The following SHROOM3 variants were observed in gnomAD, a reference collection of about 807,000 sequenced individuals.
SHROOM3 encodes protein Shroom3.
A neutral mutation model predicts 138.6 loss-of-function variants in SHROOM3; 47 were observed. The observed-to-expected ratio is 0.34, with a 90% CI of 0.27 to 0.43. The LOEUF is 0.43. SHROOM3 is among the 20% of genes least tolerant of loss of function. The pLI, the probability that SHROOM3 is intolerant of heterozygous loss-of-function variation, is 1.00. For synonymous variants in SHROOM3, 1,062 were observed against 1,063.3 expected, an observed-to-expected ratio of 1.00 and a Z score of 0.02; for missense variants, 2,491 against 2,596.5, an observed-to-expected ratio of 0.96 and a Z score of 0.88.
intron 2 of SHROOM3, among the ~76,000 whole-genome samples, chr4:76,576,619 T>C (rs1252643188): frequency 2.0e-5 from 3 of 152,154 alleles, no homozygotes; most frequent in African/African-American, 7.2e-5. Context: ...AATAATGTAA[T>C]TGTACATTTA....
chr4:76,531,205 G>T (rs1220784378), intron 1 of SHROOM3, among the ~76,000 whole-genome samples: 1 of 152,114 alleles, frequency 6.6e-6, no homozygotes, highest in Non-Finnish European at 1.5e-5. Flanking sequence ...GGATAACCCA[G>T]TAACGTGAGC....
intron 2 of SHROOM3, among the ~76,000 whole-genome samples, chr4:76,608,237 C>T (rs1734663804): frequency 6.6e-6 from 1 of 152,214 alleles, no homozygotes; most frequent in African/African-American, 2.4e-5. Context: ...CAGTTTTTAG[C>T]TCTCGAGGGA....
Position 76,493,152 on chromosome 4 carries a change from C to T in SHROOM3, c.168+56932C>T, listed in dbSNP as rs184776804. 8.0e-5 allele frequency among the ~76,000 whole-genome samples: 11 copies of T among 137,914 alleles called. No homozygotes were observed. In the East Asian group the frequency reaches 2.6e-3, roughly 32 times the overall value. The allele number at this position is 137,914 out of a possible 152,430, so 90.5% of individuals were successfully genotyped here. A position where few individuals can be genotyped will look rare whatever the true frequency, so the allele number is the denominator to read the frequency against. The stretch of plus-strand genomic sequence containing the variant: ...AGGAGAATTGCTTGAACTCGAGAGG[C>T]GGCGGTTGCAGTGAGCCAAGATCGT... On this transcript the variant is annotated intron_variant, in intron 1 of 10. Transcript: ENST00000296043.
rs147249438 is a variant in SHROOM3, at chr4:76,716,748, C to A, written c.455+6461C>A. On this transcript the variant is annotated intron_variant, in intron 3 of 10. Coordinates refer to ENST00000296043, the MANE Select transcript of SHROOM3 (RefSeq NM_020859.4). ...CAAGTGCTTTGTGCTGTGTACCTCA[C>A]GGTTTTCCTTCCTCATTTCCCTGGG... 2.0e-5 allele frequency among the ~76,000 whole-genome samples: 3 copies of A among 152,318 alleles called. No individual in the cohort carries two copies. In the South Asian group the frequency reaches 6.2e-4, roughly 32 times the overall value.
At chr4:76,548,075 T>G (rs1401351868) in intron 1 of SHROOM3, among the ~76,000 whole-genome samples, 1 of 150,636 alleles carries the variant, frequency 6.6e-6, no homozygotes, top group Non-Finnish European at 1.5e-5. Context: ...AAGACGAATT[T>G]GTGTAAGACC....
At chr4:76,774,720 G>GTTTT (rs71212453) in intron 10 of SHROOM3, among the ~76,000 whole-genome samples, 1 of 112,264 alleles carries the variant, frequency 8.9e-6, no homozygotes. Flanking sequence ...TTTTTTTTTT[G>GTTTT]TTTTTTTTTT....
intron 5 of SHROOM3, among the ~76,000 whole-genome samples, chr4:76,744,093 T>C (rs1721352712): frequency 6.6e-6 from 1 of 152,206 alleles, no homozygotes; most frequent in African/African-American, 2.4e-5. Context: ...TTCTTAAGCC[T>C]GGTTGATTAA....
intron 1 of SHROOM3, among the ~76,000 whole-genome samples, chr4:76,454,827 C>A (rs1730993870): frequency 6.6e-6 from 1 of 152,128 alleles, no homozygotes; most frequent in Admixed American, 6.5e-5. Flanking sequence ...TGTCTGCTTT[C>A]TTTCAGCAAT....
At chr4:76,446,215 C>T (rs1278942960) in intron 1 of SHROOM3, among the ~76,000 whole-genome samples, 1 of 152,038 alleles carries the variant, frequency 6.6e-6, no homozygotes, top group African/African-American at 2.4e-5. Context: ...ACATCTAAGA[C>T]CTTTTTAACT....
chr4:76,524,785 C>T (rs1306031625), intron 1 of SHROOM3, among the ~76,000 whole-genome samples: 1 of 152,160 alleles, frequency 6.6e-6, no homozygotes, highest in Non-Finnish European at 1.5e-5. Flanking sequence ...GAAGGACGTC[C>T]GTCATGCCAT....
chr4:76,613,674 G>A (rs760524587), intron 2 of SHROOM3, among the ~76,000 whole-genome samples: 1 of 152,160 alleles, frequency 6.6e-6, no homozygotes, highest in Admixed American at 6.5e-5. Flanking sequence ...TTGTTATAAT[G>A]TTGATAGCAA....
intron 10 of SHROOM3, among the ~76,000 whole-genome samples, chr4:76,772,255 C>A (rs2109793560): frequency 6.6e-6 from 1 of 152,072 alleles, no homozygotes; most frequent in Admixed American, 6.6e-5. Context: ...AGGTGCGCAC[C>A]ACCATGCCCA....
At chr4:76,502,645 G>A (rs564670756) in intron 1 of SHROOM3, among the ~76,000 whole-genome samples, 2 of 152,190 alleles carry the variant, frequency 1.3e-5, no homozygotes, top group Non-Finnish European at 2.9e-5. Flanking sequence ...AGAGAGATTC[G>A]AAGAACCATT....
In SHROOM3 at chr4:76,447,694, G is replaced by A. The variant is rs17319721; in HGVS notation, c.168+11474G>A. 0.34 allele frequency among the ~76,000 whole-genome samples: 51,316 copies of A among 152,018 alleles called. 9,607 individuals are homozygous for A. The highest frequency in any genetic ancestry group is 0.43 in the Non-Finnish European group (29,201 of 67,938). The stretch of plus-strand genomic sequence containing the variant: ...CTAGTGAGTAGCAGGGCAAAAACAA[G>A]GCAGCCATTGATCTAAGTGTAAGGC... On this transcript the variant is annotated intron_variant, in intron 1 of 10. Transcript: ENST00000296043.
chr4:76,670,084 C>T lies in SHROOM3; in HGVS notation c.324-40072C>T, dbSNP rs543985644. Among the ~76,000 whole-genome samples the T allele has an allele frequency of 6.6e-5, 10 of 152,330 alleles. No individual in the cohort carries two copies. In the East Asian group the frequency reaches 1.9e-3, roughly 29 times the overall value. The stretch of plus-strand genomic sequence containing the variant: ...CCCCTTCATTTTTCTCACAACCTCC[C>T]ACATCTAATAAAAATTAACAAGGCC... On this transcript the variant is annotated intron_variant, in intron 2 of 10. Transcript: ENST00000296043.
At chr4:76,466,445 T>G (rs1168571227) in intron 1 of SHROOM3, among the ~76,000 whole-genome samples, 1 of 152,238 alleles carries the variant, frequency 6.6e-6, no homozygotes, top group Non-Finnish European at 1.5e-5. Context: ...TGAGATAGAT[T>G]GGTTGCAGAA....
intron 2 of SHROOM3, among the ~76,000 whole-genome samples, chr4:76,580,719 C>A (rs1734034382): frequency 6.6e-6 from 1 of 152,148 alleles, no homozygotes; most frequent in South Asian, 2.1e-4. Context: ...AGCCACTGTA[C>A]CCCGCCAACT....
chr4:76,691,784 A>C (rs1719549504), intron 2 of SHROOM3, among the ~76,000 whole-genome samples: 1 of 152,208 alleles, frequency 6.6e-6, no homozygotes, highest in East Asian at 1.9e-4. Context: ...TAAAACATCA[A>C]CATTCTACTG....
rs1718940765 is a variant in SHROOM3 at position 76,673,313 on chromosome 4, TG to T, written c.324-36840del. 2.0e-5 allele frequency among the ~76,000 whole-genome samples: 3 copies of T among 152,244 alleles called. No homozygotes were observed. In the South Asian group the frequency reaches 6.2e-4, roughly 32 times the overall value. Reference sequence around the variant, plus strand: ...ATTAGGGACTTAATATAGTCTTATTTGGGTCTTCAAAAGCTTCTTTTGCCAT... The same window carrying T: ...ATTAGGGACTTAATATAGTCTTATTTGGTCTTCAAAAGCTTCTTTTGCCAT... On this transcript the variant is annotated intron_variant, in intron 2 of 10. Transcript: ENST00000296043.
Sources: allele counts gnomAD v4.1 joint callset (sites outside exome capture counted in the v4.1 genomes callset), GRCh38; gene constraint gnomAD v4.1.1; transcripts MANE v1.5; gene names NCBI Gene and HGNC (gene_info 2026-07-23, HGNC 2026-07-21).